Variants in CRISP1 observed in about 807,000 individuals in gnomAD.
CRISP1 encodes cysteine rich secretory protein 1, also known as cysteine-rich secretory protein 1.
Under a neutral mutation model 33.1 loss-of-function variants are expected in CRISP1, and 44 were observed. The observed-to-expected ratio is 1.33, with a 90% CI of 1.05 to 1.71. The LOEUF is 1.71. CRISP1 is among the 40% of genes most tolerant of loss of function. CRISP1 has a pLI of 0.00. For missense variants in CRISP1, 390 were observed against 301.2 expected, an observed-to-expected ratio of 1.29 and a Z score of -2.18; for synonymous variants, 103 against 98.7, an observed-to-expected ratio of 1.04 and a Z score of -0.26.
In CRISP1 at chr6:49,845,463, C is replaced by G. The variant is rs1771133447; in HGVS notation, c.435+1057G>C. Among the ~76,000 whole-genome samples, 3 of 152,236 alleles carry G rather than the reference C, an allele frequency of 2.0e-5. No individual in the cohort carries two copies. The South Asian group carries it at 6.2e-4, about 32-fold the overall frequency. On this transcript the variant is annotated intron_variant, in intron 5 of 7. Transcript: ENST00000335847. The stretch of plus-strand genomic sequence containing the variant: ...CAGCTGTGGTATTTTGTTATGGCAT[C>G]CTAAGCAGATTAATAGAGCAAAGAT...
intron 2 of CRISP1, among the ~76,000 whole-genome samples, chr6:49,852,885 T>A (rs953569764): frequency 1.6e-4 from 23 of 145,518 alleles, no homozygotes; most frequent in African/African-American, 4.8e-4. Context: ...TGTGTGTGTG[T>A]GATATCACAT....
intron 6 of CRISP1, among the ~76,000 whole-genome samples, chr6:49,839,385 A>T (rs542939861): frequency 6.6e-6 from 1 of 152,014 alleles, no homozygotes; most frequent in South Asian, 2.1e-4. Flanking sequence ...CAGAAGGTCA[A>T]TACTACAGGG....
At chr6:49,876,290 T>C (rs1372083544) in intron 1 of CRISP1, among the ~76,000 whole-genome samples, 1 of 152,052 alleles carries the variant, frequency 6.6e-6, no homozygotes, top group Admixed American at 6.6e-5. Flanking sequence ...GAAAAGAAGC[T>C]GAACATCACT....
intron 5 of CRISP1, among the ~76,000 whole-genome samples, chr6:49,845,588 A>G (rs1771137587): frequency 6.6e-6 from 1 of 152,194 alleles, no homozygotes; most frequent in Non-Finnish European, 1.5e-5. Context: ...AATAATAAAC[A>G]CAGTATTCAC....
chr6:49,842,180 T>A (rs953574012), intron 5 of CRISP1, among the ~76,000 whole-genome samples: 15 of 152,218 alleles, frequency 9.9e-5, no homozygotes, highest in African/African-American at 3.4e-4. Flanking sequence ...CTAAAACTAT[T>A]GCTCTATCTG....
intron 5 of CRISP1, 88 bp downstream of exon 5, chr6:49,846,432 A>G: frequency 7.5e-7 from 1 of 1,327,818 alleles, no homozygotes; most frequent in Non-Finnish European, 1.0e-6. Context: ...ATAAGAAGGT[A>G]GAATGATTTT....
intron 1 of CRISP1, among the ~76,000 whole-genome samples, chr6:49,874,463 A>G (rs987109727): frequency 3.3e-5 from 5 of 152,096 alleles, no homozygotes; most frequent in African/African-American, 1.2e-4. Context: ...AAATGTTAGA[A>G]GTAACTTTCC....
At chr6:49,841,902 T>C (rs944707084) in intron 5 of CRISP1, among the ~76,000 whole-genome samples, 1 of 152,168 alleles carries the variant, frequency 6.6e-6, no homozygotes, top group African/African-American at 2.4e-5. Flanking sequence ...GGATTAAACA[T>C]TCAAATATTT....
intron 1 of CRISP1, among the ~76,000 whole-genome samples, chr6:49,862,205 C>A (rs977426696): frequency 4.6e-5 from 7 of 151,944 alleles, no homozygotes; most frequent in African/African-American, 1.7e-4. Flanking sequence ...AATAACTTTG[C>A]AAGATATAAA....
chr6:49,842,098 A>G (rs866716969), intron 5 of CRISP1, among the ~76,000 whole-genome samples: 1 of 152,194 alleles, frequency 6.6e-6, no homozygotes, highest in Non-Finnish European at 1.5e-5. Flanking sequence ...CTTTACAAAG[A>G]GAGTCATGCA....
intron 2 of CRISP1, among the ~76,000 whole-genome samples, chr6:49,854,803 G>A (rs564887291): frequency 8.5e-5 from 13 of 152,142 alleles, no homozygotes; most frequent in South Asian, 2.1e-4. Flanking sequence ...TGAGGTTGTC[G>A]TGATGGGCAT....
intron 3 of CRISP1, 69 bp from the exon 4 acceptor site, chr6:49,848,368 T>A (rs62404907): frequency 3.2e-6 from 3 of 937,930 alleles, no homozygotes; most frequent in Non-Finnish European, 4.8e-6. Flanking sequence ...TTTATTGTTT[T>A]TAATAATCCA....
chr6:49,840,861 TA>T, intron 6 of CRISP1, 36 bp downstream of exon 6: 1 of 1,503,292 alleles, frequency 6.7e-7, no homozygotes, highest in Non-Finnish European at 9.2e-7. Context: ...TAGGTTACTT[TA>T]GGGGGATATA....
chr6:49,836,133 A>C (rs1388105636), intron 7 of CRISP1, among the ~76,000 whole-genome samples: 6 of 152,054 alleles, frequency 3.9e-5, no homozygotes, highest in Non-Finnish European at 7.4e-5. Context: ...CAATGTATCT[A>C]TTTGTCTCTA....
In CRISP1 at chr6:49,847,242, C is replaced by T. The variant is rs371083143; in HGVS notation, c.287-574G>A. On this transcript the variant is annotated intron_variant, in intron 4 of 7. Transcript: ENST00000335847. ...AAAACATGTTAATTAAAAAAAGATT[C>T]TCATGTTAAAATATAATGTTTATTC... 1.1e-4 allele frequency among the ~76,000 whole-genome samples: 16 copies of T among 152,212 alleles called. No individual in the cohort carries two copies. In the South Asian group the frequency reaches 2.1e-3, roughly 20 times the overall value.
intron 6 of CRISP1, 52 bp downstream of exon 6, chr6:49,840,846 T>C: frequency 7.2e-7 from 1 of 1,393,412 alleles, no homozygotes; most frequent in Non-Finnish European, 1.0e-6. Flanking sequence ...TTTGAAAAAC[T>C]AGATTAGGTT....
Position 49,838,487 on chromosome 6 carries a change from G to A in CRISP1, c.572C>T (p.Thr191Ile). 1 of 1,613,216 alleles carries A rather than the reference G, an allele frequency of 6.2e-7. No individual in the cohort carries two copies. Residue 191 changes from threonine (T) to isoleucine (I), a missense_variant, in exon 7 of 8, where the codon ACA becomes ATA. Coordinates refer to ENST00000335847, the MANE Select transcript of CRISP1 (RefSeq NM_001131.3). ...TGGGCAGGCTTCACATGGGACGCCTGTCTTATAAGGTTCATTCTTTGTTTC... is the reference window on the plus strand; with the variant it reads ...TGGGCAGGCTTCACATGGGACGCCTATCTTATAAGGTTCATTCTTTGTTTC... ...DPETKNEPYK[T>I]GVPCEACPSN...
chr6:49,860,655 A>G (rs899543192), intron 1 of CRISP1, among the ~76,000 whole-genome samples: 1 of 152,126 alleles, frequency 6.6e-6, no homozygotes, highest in Non-Finnish European at 1.5e-5. Context: ...ACAAACAACT[A>G]CCTCAAACAA....
intron 2 of CRISP1, among the ~76,000 whole-genome samples, chr6:49,856,146 G>C (rs1225137010): frequency 2.6e-5 from 4 of 152,090 alleles, no homozygotes; most frequent in African/African-American, 9.7e-5. Flanking sequence ...CTACTTATCT[G>C]CTCTTTGCTC....
Sources: allele counts gnomAD v4.1 joint callset (sites outside exome capture counted in the v4.1 genomes callset), GRCh38; gene constraint gnomAD v4.1.1; transcripts MANE v1.5; gene names NCBI Gene and HGNC (gene_info 2026-07-23, HGNC 2026-07-21).